Variants in GPHN observed in about 807,000 individuals in gnomAD.
GPHN encodes the protein gephyrin.
A neutral mutation model predicts 95.5 loss-of-function variants in GPHN; 17 were observed. That is an observed-to-expected ratio of 0.18 (90% CI 0.12 to 0.27). The LOEUF is 0.27. Ranked by LOEUF, GPHN falls within the 10% of genes least tolerant of loss-of-function variation. The pLI, the probability that GPHN is intolerant of heterozygous loss-of-function variation, is 1.00. For synonymous variants in GPHN, 320 were observed against 322.5 expected (o/e 0.99, Z 0.08); for missense variants, 660 against 978.1 (o/e 0.67, Z 4.34).
chr14:66,929,188 TGG>T (rs1339462261), intron 8 of GPHN, among the ~76,000 whole-genome samples: 3 of 151,902 alleles, frequency 2.0e-5, no homozygotes, highest in Non-Finnish European at 4.4e-5. Flanking sequence ...CCCGAGTAGC[TGG>T]GATTACAGGC....
At chr14:67,573,970 C>A in the GPHN span, 1 of 982,506 alleles carries the variant, frequency 1.0e-6, no homozygotes, top group Non-Finnish European at 1.6e-6. The surrounding 1 kb of genome is among the most constrained non-coding windows in gnomAD (Gnocchi z 4.8). Flanking sequence ...AAAGATGGGG[C>A]CAAATGAGCA....
chr14:66,680,180 C>G (rs1031668831), intron 1 of GPHN, among the ~76,000 whole-genome samples: 1 of 152,142 alleles, frequency 6.6e-6, no homozygotes, highest in African/African-American at 2.4e-5. Context: ...ACTCTTCTGT[C>G]TGGTGACTTT....
intron 4 of GPHN, among the ~76,000 whole-genome samples, chr14:66,855,371 G>A (rs1296684844): frequency 6.6e-6 from 1 of 152,024 alleles, no homozygotes; most frequent in Non-Finnish European, 1.5e-5. Context: ...TGTAAGTGCA[G>A]CCACACAATA....
intron 5 of GPHN, among the ~76,000 whole-genome samples, chr14:66,905,687 G>A (rs72730404): frequency 0.043 from 6,614 of 152,102 alleles, 187 homozygotes; most frequent in Middle Eastern, 0.068. Context: ...GGTAATGAGC[G>A]TAGTATACAA....
the GPHN span, chr14:67,221,628 TA>T: frequency 8.8e-7 from 1 of 1,130,452 alleles, no homozygotes. Flanking sequence ...ATATGTTCTA[TA>T]ATCAGCAATG....
chr14:66,619,998 G>A (rs1371960688), intron 1 of GPHN, among the ~76,000 whole-genome samples: 1 of 152,144 alleles, frequency 6.6e-6, no homozygotes, highest in Non-Finnish European at 1.5e-5. Flanking sequence ...TTGATCGCCA[G>A]TGTTTTTGTC....
the GPHN span, chr14:67,659,697 G>GA: frequency 5.3e-3 from 7,336 of 1,387,044 alleles, 2 homozygotes; most frequent in East Asian, 0.01. Flanking sequence ...GCCCTTAAAG[G>GA]AAAAAAAAAA....
the GPHN span, among the ~76,000 whole-genome samples, chr14:67,397,095 C>A: frequency 6.6e-6 from 1 of 152,110 alleles, no homozygotes; most frequent in African/African-American, 2.4e-5. Context: ...ACTGCGACCA[C>A]GCTCAGCTAG....
the GPHN span, among the ~76,000 whole-genome samples, chr14:67,700,584 G>A: frequency 8.6e-5 from 13 of 151,804 alleles, no homozygotes; most frequent in Non-Finnish European, 1.5e-4. Context: ...GCGTGGTGGC[G>A]GGCGCCTGTA....
At chr14:67,353,646 C>T in the GPHN span, 2 of 152,132 alleles carry the variant, frequency 1.3e-5, no homozygotes, top group African/African-American at 4.8e-5. Context: ...TGCCACCAAG[C>T]CCAGCTATAT....
At chr14:66,746,464 T>G (rs980638032) in intron 2 of GPHN, among the ~76,000 whole-genome samples, 4 of 152,182 alleles carry the variant, frequency 2.6e-5, no homozygotes, top group Admixed American at 2.0e-4. Flanking sequence ...TTTGGATCTG[T>G]CATGAATGTG....
the GPHN span, among the ~76,000 whole-genome samples, chr14:67,321,848 A>T: frequency 6.6e-6 from 1 of 152,164 alleles, no homozygotes. Context: ...AAATACAGTA[A>T]ATATAGTATT....
At chr14:66,600,552 A>C (rs1321737943) in intron 1 of GPHN, among the ~76,000 whole-genome samples, 1 of 152,120 alleles carries the variant, frequency 6.6e-6, no homozygotes, top group Non-Finnish European at 1.5e-5. Flanking sequence ...GTTTAAAGAC[A>C]ACTTATTTAA....
chr14:66,621,039 A>G (rs1595273606), intron 1 of GPHN, among the ~76,000 whole-genome samples: 1 of 151,844 alleles, frequency 6.6e-6, no homozygotes, highest in Non-Finnish European at 1.5e-5. Context: ...ATCTTGGCTC[A>G]CTGCAAGCTC....
intron 8 of GPHN, among the ~76,000 whole-genome samples, chr14:66,925,808 T>C (rs1224559153): frequency 6.6e-6 from 1 of 152,214 alleles, no homozygotes; most frequent in Non-Finnish European, 1.5e-5. Context: ...TGTCTTTAGT[T>C]TTTTGAAGAA....
chr14:67,364,998 C>T, the GPHN span: 4 of 1,579,294 alleles, frequency 2.5e-6, no homozygotes, highest in Non-Finnish European at 3.4e-6. Context: ...TTAGGGTGGA[C>T]AAAGAAAAAG....
chr14:67,350,848 G>C, the GPHN span, among the ~76,000 whole-genome samples: 1 of 152,116 alleles, frequency 6.6e-6, no homozygotes, highest in African/African-American at 2.4e-5. Context: ...ATTTTTAACA[G>C]TTTTGGTTAT....
chr14:67,096,426 G>A (rs1478691066), intron 12 of GPHN, among the ~76,000 whole-genome samples: 2 of 152,104 alleles, frequency 1.3e-5, no homozygotes, highest in Admixed American at 6.6e-5. Flanking sequence ...ATTGATATGA[G>A]CATTTTGAGT....
chr14:67,342,465 C>T, the GPHN span, among the ~76,000 whole-genome samples: 3 of 150,426 alleles, frequency 2.0e-5, no homozygotes, highest in African/African-American at 7.3e-5. Flanking sequence ...AGAGAATGCT[C>T]GATTGAGTTT....
Sources: gnomAD v4.1 joint callset for allele counts (sites outside exome capture counted in the v4.1 genomes callset) on GRCh38, gnomAD v4.1.1 for gene constraint, Gnocchi (gnomAD v3.1) non-coding constraint, MANE v1.5 for transcripts, NCBI Gene and HGNC (gene_info 2026-07-23, HGNC 2026-07-21) for gene names.